Variants in MYOM1 observed in about 807,000 individuals in gnomAD.
MYOM1 encodes myomesin 1.
A neutral mutation model predicts 205.3 loss-of-function variants in MYOM1; 164 were observed. The observed-to-expected ratio is 0.80, with a 90% CI of 0.70 to 0.91. The LOEUF is 0.91. Ranked by LOEUF, MYOM1 falls within the 40% of genes least tolerant of loss-of-function variation. The pLI is 0.00. For synonymous variants in MYOM1, 772 were observed against 789.4 expected (o/e 0.98, Z 0.37); for missense variants, 2,011 against 2,127.3 (o/e 0.95, Z 1.08).
the MYOM1 span, among the ~76,000 whole-genome samples, chr18:3,234,303 T>A: frequency 6.6e-6 from 1 of 152,174 alleles, no homozygotes; most frequent in African/African-American, 2.4e-5. Flanking sequence ...AAGTCAAACA[T>A]ACAGGAAACA....
chr18:3,187,255 T>C (rs968653511), intron 5 of MYOM1, among the ~76,000 whole-genome samples: 3 of 152,260 alleles, frequency 2.0e-5, no homozygotes, highest in Non-Finnish European at 2.9e-5. Context: ...ATTTGTATAA[T>C]AGGATTATAG....
In MYOM1 at chr18:3,152,020, T is replaced by C. The variant is rs1480670695; in HGVS notation, c.1644-127A>G. The C allele has an allele frequency of 2.1e-6, 2 of 932,790 alleles. No individual in the cohort carries two copies. The highest frequency in any genetic ancestry group is 3.3e-5 in the African/African-American group (2 of 60,164). The allele number at this position is 932,790 out of a possible 1,614,324, so 57.8% of individuals were successfully genotyped here. On this transcript the variant is annotated intron_variant, in intron 11 of 37. Coordinates refer to ENST00000356443, the MANE Select transcript of MYOM1 (RefSeq NM_003803.4). This position sits in a 1 kb window ranked among gnomAD's most constrained non-coding sequence, Gnocchi z 4.3. ...ATAAAATATCCAAGTCAGGCGTGGC[T>C]CGCTACCTGGTGAACTGCATGCAGG... is the stretch of plus-strand genomic sequence containing the variant.
intron 30 of MYOM1, 31 bp from the exon 31 acceptor site, chr18:3,085,163 C>G: frequency 1.3e-6 from 2 of 1,490,836 alleles, no homozygotes; most frequent in Non-Finnish European, 9.1e-7. Flanking sequence ...CACATTGCAC[C>G]TTTCGTAGCC....
At chr18:3,106,224 A>G (rs1452992879) in intron 22 of MYOM1, among the ~76,000 whole-genome samples, 1 of 152,216 alleles carries the variant, frequency 6.6e-6, no homozygotes, top group African/African-American at 2.4e-5. Flanking sequence ...TGGTATCCAC[A>G]GGGGGTCCTG....
At chr18:3,108,760 C>T (rs539342829) in intron 22 of MYOM1, among the ~76,000 whole-genome samples, 1 of 152,122 alleles carries the variant, frequency 6.6e-6, no homozygotes, top group Non-Finnish European at 1.5e-5. Flanking sequence ...AGGCTGATCT[C>T]GAACTCCTGA....
At chr18:3,096,291 A>G (rs962744900) in intron 25 of MYOM1, among the ~76,000 whole-genome samples, 1 of 152,188 alleles carries the variant, frequency 6.6e-6, no homozygotes, top group Admixed American at 6.5e-5. Flanking sequence ...AATCGCCACA[A>G]TACCAACCCT....
Position 3,078,228 on chromosome 18 carries a change from G to A in MYOM1, c.4648+951C>T, listed in dbSNP as rs557553419. ...AGCTAATTTTTGTATTTTTAGTAGAGACGCGGTTTCACCATGTTGGCCAGG... is the reference window on the plus strand; with the variant it reads ...AGCTAATTTTTGTATTTTTAGTAGAAACGCGGTTTCACCATGTTGGCCAGG... On this transcript the variant is annotated intron_variant, in intron 34 of 37. Transcript: ENST00000356443. 1.2e-4 allele frequency among the ~76,000 whole-genome samples: 19 copies of A among 152,102 alleles called. No homozygotes were observed. The East Asian group carries it at 3.7e-3, about 29-fold the overall frequency.
chr18:3,151,747 C>T lies in MYOM1; in HGVS notation c.1790G>A (p.Arg597Gln), dbSNP rs1195563883. ...VNKMGIGFPS[R>Q]VSEPVAALDP... ...CAGAGCAGCCACGGGCTCGGAAACT[C>T]GAGATGGGAAACCTATTCCCATTTT... Residue 597 changes from arginine to glutamine, a missense_variant, in exon 12 of 38, where the codon CGA (arginine) becomes CAA (glutamine). By Grantham distance (43) the Arg-to-Gln change is conservative (BLOSUM62 1). Coordinates refer to ENST00000356443, the MANE Select transcript of MYOM1 (RefSeq NM_003803.4). The T allele has an allele frequency of 1.2e-6, 2 of 1,613,676 alleles. No homozygotes were observed. The highest frequency in any genetic ancestry group is 2.7e-5 in the African/African-American group (2 of 74,886).
At position 3,067,220 on chromosome 18, in the gene MYOM1, A is replaced by G; in HGVS notation, c.*42T>C. On this transcript the variant is annotated 3_prime_UTR_variant, in exon 38 of 38. Transcript: ENST00000356443. ...CTCATCCTTAACCCAAACCATTCAC[A>G]CCCAAGTCACACAGGCCGGCTGGCT... The G allele has an allele frequency of 6.5e-7, 1 of 1,542,568 alleles. No homozygotes were observed. The highest frequency in any genetic ancestry group is 8.8e-7 in the Non-Finnish European group (1 of 1,141,044).
chr18:3,135,842 G>A lies in MYOM1; in HGVS notation c.2026-112C>T. On this transcript the variant is annotated intron_variant, in intron 14 of 37. Coordinates refer to ENST00000356443, the MANE Select transcript of MYOM1 (RefSeq NM_003803.4). This position sits in a 1 kb window ranked among gnomAD's most constrained non-coding sequence, Gnocchi z 4.1. ...CAACAAACCACTCCCTGTAATGCAA[G>A]CTGGACTGGAGGAGAGATGAGGAGG... The A allele has an allele frequency of 8.6e-7, 1 of 1,156,888 alleles. No homozygotes were observed. The highest frequency in any genetic ancestry group is 1.5e-5 in the South Asian group (1 of 68,634). The allele number at this position is 1,156,888 out of a possible 1,614,324, so 71.7% of individuals were successfully genotyped here.
chr18:3,118,453 C>T lies in MYOM1; in HGVS notation c.3118+1416G>A, dbSNP rs541286663. 3.4e-4 allele frequency among the ~76,000 whole-genome samples: 52 copies of T among 152,176 alleles called. 1 individual carries two copies. In the Middle Eastern group the frequency reaches 0.014, roughly 40 times the overall value. On this transcript the variant is annotated intron_variant, in intron 20 of 37. Coordinates refer to ENST00000356443, the MANE Select transcript of MYOM1 (RefSeq NM_003803.4). ...CTTGACCTCGTGAGCTCAAGCAATC[C>T]TCCTGAGTAGCTGGGACTACAGGCA...
At chr18:3,182,911 T>C (rs901186781) in intron 5 of MYOM1, among the ~76,000 whole-genome samples, 6 of 145,480 alleles carry the variant, frequency 4.1e-5, no homozygotes, top group Non-Finnish European at 7.5e-5. Flanking sequence ...CTTTTCTTTC[T>C]TCTTTTTTTT....
the MYOM1 span, chr18:3,245,915 T>G: frequency 6.6e-6 from 1 of 152,300 alleles, no homozygotes; most frequent in South Asian, 2.1e-4. Flanking sequence ...GATACTCCGC[T>G]AACTCCGCAT....
the MYOM1 span, chr18:3,246,306 C>G: frequency 6.6e-6 from 1 of 152,258 alleles, no homozygotes; most frequent in East Asian, 1.9e-4. Context: ...TGCCAGCCCT[C>G]TCGCTGAGTC....
At chr18:3,199,420 A>G (rs1406229028) in intron 2 of MYOM1, among the ~76,000 whole-genome samples, 1 of 152,208 alleles carries the variant, frequency 6.6e-6, no homozygotes, top group Non-Finnish European at 1.5e-5. Context: ...CTCCATACAT[A>G]TATGTGTGGG....
upstream of MYOM1, among the ~76,000 whole-genome samples, chr18:3,222,282 T>C (rs1055446142): frequency 2.6e-5 from 4 of 152,198 alleles, no homozygotes; most frequent in Admixed American, 2.6e-4. Context: ...CATATGTAAT[T>C]TATTATGTAG....
At chr18:3,111,382 A>G (rs2079525371) in intron 22 of MYOM1, among the ~76,000 whole-genome samples, 1 of 152,120 alleles carries the variant, frequency 6.6e-6, no homozygotes, top group African/African-American at 2.4e-5. Flanking sequence ...CTCTGTTCTC[A>G]TAAGAAACGG....
intron 25 of MYOM1, among the ~76,000 whole-genome samples, chr18:3,094,516 T>G (rs1260352789): frequency 6.6e-6 from 1 of 152,172 alleles, no homozygotes; most frequent in Non-Finnish European, 1.5e-5. Context: ...GACTGTCACT[T>G]GGAGCAAGTT....
the MYOM1 span, among the ~76,000 whole-genome samples, chr18:3,227,172 T>C: frequency 1.3e-5 from 2 of 150,996 alleles, no homozygotes; most frequent in African/African-American, 4.9e-5. Flanking sequence ...ATGCTTTCTC[T>C]TTCTTTTGTT....
Sources: allele counts gnomAD v4.1 joint callset (sites outside exome capture counted in the v4.1 genomes callset), GRCh38; gene constraint gnomAD v4.1.1; non-coding constraint Gnocchi (gnomAD v3.1); transcripts MANE v1.5; gene names NCBI Gene and HGNC (gene_info 2026-07-23, HGNC 2026-07-21).